Variants in TRA2B observed in about 807,000 individuals in gnomAD.
TRA2B encodes the protein transformer-2 protein homolog beta.
In TRA2B, 14 loss-of-function variants were observed where a neutral mutation model predicts 41.7. The observed-to-expected ratio is 0.34, with a 90% CI of 0.22 to 0.53. The LOEUF (loss-of-function observed/expected upper bound fraction) is 0.53, where lower values mean the gene tolerates loss of function less well. TRA2B is among the 20% of genes least tolerant of loss of function. TRA2B has a pLI of 0.95. For synonymous variants in TRA2B, 130 were observed against 128.8 expected (o/e 1.01, Z -0.06); for missense variants, 167 against 396.8 (o/e 0.42, Z 4.92).
At chr3:185,934,750 C>T in intron 1 of TRA2B, 1 of 985,342 alleles carries the variant, frequency 1.0e-6, no homozygotes, top group Non-Finnish European at 1.2e-6. Context: ...CAAGATTCAG[C>T]AGAAGATGAG....
intron 1 of TRA2B, chr3:185,937,366 G>A: frequency 1.0e-6 from 1 of 996,766 alleles, no homozygotes; most frequent in Non-Finnish European, 1.2e-6. Flanking sequence ...CCCACCACGC[G>A]GCCTTACGAA....
chr3:185,918,502 T>C, intron 7 of TRA2B, 64 bp from the exon 8 acceptor site: 2 of 1,198,696 alleles, frequency 1.7e-6, no homozygotes, highest in Non-Finnish European at 2.5e-6. Context: ...ACATATAAAT[T>C]TATGACTATA....
At position 185,920,565 on chromosome 3, in the gene TRA2B, A is replaced by AT. The variant is rs575385217; in HGVS notation, c.722+538dup. ...GCTTTCACTATGTATTCATTTATTT[A>AT]TTTTTTTTTTTGAGTCTCTCGCTCT... On this transcript the variant is annotated intron_variant, in intron 6 of 8. Coordinates refer to ENST00000453386, the MANE Select transcript of TRA2B (RefSeq NM_004593.3). Among the ~76,000 whole-genome samples, 386 of 148,064 alleles carry AT rather than the reference A, an allele frequency of 2.6e-3. 1 individual carries two copies. The highest frequency in any genetic ancestry group is 6.9e-3 in the East Asian group (35 of 5,066).
At chr3:185,918,481 A>G (rs886826382) in intron 7 of TRA2B, 43 bp from the exon 8 acceptor site, 2 of 1,374,162 alleles carry the variant, frequency 1.5e-6, no homozygotes, top group African/African-American at 2.9e-5. Flanking sequence ...AATAGATCAC[A>G]ATTAGACCAA....
chr3:185,923,873 T>C lies in TRA2B; in HGVS notation c.445A>G (p.Ile149Val), dbSNP rs897229129. The part of the protein sequence containing the change: ...SKYGPIADVS[I>V]VYDQQSRRSR... ...CGCCTAGACTGCTGGTCATATACAA[T>C]AGACACATCGGCAATGGGACCATAT... Residue 149 changes from isoleucine (I) to valine (V), a missense_variant, in exon 4 of 9, where the codon ATT (isoleucine) becomes GTT (valine). Physicochemically the swap from Ile to Val is conservative, Grantham distance 29. Transcript: ENST00000453386. 5 of 1,614,028 alleles carry C rather than the reference T, an allele frequency of 3.1e-6. No homozygotes were observed. The highest frequency in any genetic ancestry group is 1.1e-5 in the South Asian group (1 of 91,090).
intron 3 of TRA2B, chr3:185,924,932 A>C (rs1743886604): frequency 6.6e-6 from 1 of 152,222 alleles, no homozygotes; most frequent in Non-Finnish European, 1.5e-5. Flanking sequence ...TACTAGGGAA[A>C]AATTCTACTC....
intron 1 of TRA2B, 27 bp from the exon 2 acceptor site, chr3:185,926,761 T>G (rs1407729517): frequency 1.9e-6 from 3 of 1,612,174 alleles, no homozygotes; most frequent in East Asian, 2.2e-5. Flanking sequence ...AAAGTTTAAT[T>G]TGCACACTTT....
intron 1 of TRA2B, chr3:185,937,192 T>C: frequency 1.0e-6 from 1 of 985,646 alleles, no homozygotes; most frequent in Non-Finnish European, 1.2e-6. Flanking sequence ...CGCAATCCCC[T>C]CCACCTAACG....
chr3:185,921,970 T>G (rs756038954), intron 5 of TRA2B, 41 bp downstream of exon 5: 37 of 1,490,260 alleles, frequency 2.5e-5, no homozygotes, highest in Non-Finnish European at 2.8e-5. Flanking sequence ...CTTTGACAAG[T>G]GAAAAACTGC....
chr3:185,931,682 C>CT, intron 1 of TRA2B: 1 of 1,291,450 alleles, frequency 7.7e-7, no homozygotes, highest in Non-Finnish European at 9.8e-7. Flanking sequence ...ATCTTCCCCA[C>CT]TTCACACAAA....
At position 185,915,892 on chromosome 3, in the gene TRA2B, C is replaced by G. The variant is rs577476744; in HGVS notation, c.*1823G>C. On this transcript the variant is annotated 3_prime_UTR_variant, in exon 9 of 9. Coordinates refer to ENST00000453386, the MANE Select transcript of TRA2B (RefSeq NM_004593.3). ...CTTCAGGAAAGGATGCCTGTATATA[C>G]TACCACGATAAAACCAGGTTTCTCA... is the stretch of plus-strand genomic sequence containing the variant. The G allele has an allele frequency of 1.3e-5, 2 of 152,248 alleles. 1 individual carries two copies. The highest frequency in any genetic ancestry group is 1.3e-4 in the Admixed American group (2 of 15,290). The allele number at this position is 152,248 out of a possible 1,614,324, so 9.4% of individuals were successfully genotyped here. A position where few individuals can be genotyped will look rare whatever the true frequency, so the allele number is the denominator to read the frequency against.
Position 185,918,402 on chromosome 3 carries a change from T to C in TRA2B, c.819A>G (p.Gly273=). Residue 273 remains glycine, a synonymous_variant, in exon 8 of 9, where the codon GGA becomes GGG. Coordinates refer to ENST00000453386, the MANE Select transcript of TRA2B (RefSeq NM_004593.3). ...ATCGAGATCTGGAACGTGATCTGTA[T>C]CCTCCACGACTATAGTAAGGAGAAG... ...RSPSPYYSRG[G]YRSRSRSRSY... The C allele has an allele frequency of 6.2e-7, 1 of 1,613,894 alleles. No individual in the cohort carries two copies. The highest frequency in any genetic ancestry group is 8.5e-7 in the Non-Finnish European group (1 of 1,179,868).
chr3:185,924,159 A>C (rs1015321177), intron 3 of TRA2B, 175 bp from the exon 4 acceptor site: 23 of 487,004 alleles, frequency 4.7e-5, no homozygotes, highest in Non-Finnish European at 6.8e-5. Flanking sequence ...ATTTTTGGGA[A>C]TGGGTAGGAA....
intron 5 of TRA2B, 25 bp from the exon 6 acceptor site, chr3:185,921,212 G>C (rs948379418): frequency 6.2e-7 from 1 of 1,603,256 alleles, no homozygotes; most frequent in South Asian, 1.1e-5. Flanking sequence ...ATATTCAGGT[G>C]ACCTCCCTTA....
chr3:185,936,755 T>C, intron 1 of TRA2B: 1 of 985,324 alleles, frequency 1.0e-6, no homozygotes, highest in Non-Finnish European at 1.2e-6. Context: ...ATCACCCTTC[T>C]AACAGATTCC....
At chr3:185,924,841 G>A (rs571391530) in intron 3 of TRA2B, 1 of 152,182 alleles carries the variant, frequency 6.6e-6, no homozygotes, top group Admixed American at 6.5e-5. Flanking sequence ...AAAGAATAAA[G>A]AGTGAGCCAT....
rs1044052052 is a variant in TRA2B at position 185,917,157 on chromosome 3, T to C, written c.*558A>G. ...AAGCACTGGCTGTATTTTAAGATTT[T>C]TAGTTCTAATACTAGCAGTACAGAG... On this transcript the variant is annotated 3_prime_UTR_variant, in exon 9 of 9. Transcript: ENST00000453386. 6.6e-6 allele frequency: 1 copy of C among 152,394 alleles called. No individual in the cohort carries two copies. The highest frequency in any genetic ancestry group is 1.5e-5 in the Non-Finnish European group (1 of 68,162). 9.4% of individuals were successfully genotyped at this position (152,394 alleles called of 1,614,324 possible).
intron 1 of TRA2B, among the ~76,000 whole-genome samples, chr3:185,930,143 G>T (rs569194580): frequency 6.6e-6 from 1 of 152,192 alleles, no homozygotes; most frequent in Non-Finnish European, 1.5e-5. Context: ...GTCATAACCA[G>T]ATTCCAAATT....
chr3:185,924,454 A>G (rs1226045086), intron 3 of TRA2B: 1 of 154,664 alleles, frequency 6.5e-6, no homozygotes, highest in Admixed American at 6.5e-5. Context: ...TAAGTACATA[A>G]ACGAAGCCTG....
Sources: gnomAD v4.1 joint callset for allele counts (sites outside exome capture counted in the v4.1 genomes callset) on GRCh38, gnomAD v4.1.1 for gene constraint, MANE v1.5 for transcripts, NCBI Gene and HGNC (gene_info 2026-07-23, HGNC 2026-07-21) for gene names.